CCDC191: variants seen among roughly 807,000 people sequenced by gnomAD.
The protein encoded by CCDC191 is coiled-coil domain containing 191.
Under a neutral mutation model 114.0 loss-of-function variants are expected in CCDC191, and 99 were observed. The ratio of observed to expected loss-of-function variants is 0.87; its 90% CI spans 0.74 to 1.03. The LOEUF is 1.03. CCDC191 is among the 50% of genes least tolerant of loss of function. CCDC191 has a pLI of 0.00. For synonymous variants in CCDC191, 351 were observed against 376.0 expected (o/e 0.93, Z 0.77); for missense variants, 973 against 1,087.0 (o/e 0.90, Z 1.47).
chr3:113,967,970 ATTCTTT>A (rs1940384829), intron 16 of CCDC191, among the ~76,000 whole-genome samples: 1 of 152,194 alleles, frequency 6.6e-6, no homozygotes, highest in Admixed American at 6.5e-5. Context: ...ACAGGATTTC[ATTCTTT>A]TTCATTACTA....
chr3:114,040,636 T>C (rs2076547856), intron 4 of CCDC191, among the ~76,000 whole-genome samples: 1 of 152,194 alleles, frequency 6.6e-6, no homozygotes, highest in Admixed American at 6.5e-5. Context: ...TTGCATGGTA[T>C]ATCTTTTTCC....
At chr3:113,985,413 T>G (rs1008177530) in intron 13 of CCDC191, among the ~76,000 whole-genome samples, 2 of 152,064 alleles carry the variant, frequency 1.3e-5, no homozygotes, top group African/African-American at 4.8e-5. Context: ...GAAGCCTTAT[T>G]CTCCAGAGGG....
chr3:114,022,178 T>C (rs1201747408), intron 7 of CCDC191, among the ~76,000 whole-genome samples: 4 of 152,142 alleles, frequency 2.6e-5, no homozygotes, highest in Non-Finnish European at 5.9e-5. Flanking sequence ...AGGATTCCAC[T>C]GAAGAGAAGA....
At chr3:114,001,910 T>TA (rs2075863422) in intron 12 of CCDC191, 1 of 513,868 alleles carries the variant, frequency 1.9e-6, no homozygotes, top group African/African-American at 1.9e-5. Flanking sequence ...CTTGGGAAGG[T>TA]AAGACTGATC....
In CCDC191 at chr3:114,018,774, T is replaced by C. The variant is rs1020335606; in HGVS notation, c.1067A>G (p.Gln356Arg). 6.2e-7 allele frequency: 1 copy of C among 1,613,776 alleles called. No individual in the cohort carries two copies. The change falls in exon 8 of 17, where the codon CAG becomes CGG. Residue 356 changes from glutamine (Q) to arginine (R), a missense_variant. By Grantham distance (43) the Gln-to-Arg change is conservative. Coordinates refer to ENST00000295878, the MANE Select transcript of CCDC191 (RefSeq NM_020817.2). ...KAGTLSDWKI[Q>R]LKVLRAWRDY... ...TCTCCAGGCCCGCAGGACCTTCAGC[T>C]GAATCTTCCAGTCAGACAGGGTCCC...
intron 8 of CCDC191, among the ~76,000 whole-genome samples, chr3:114,015,607 A>G (rs923342715): frequency 1.3e-5 from 2 of 152,206 alleles, no homozygotes; most frequent in African/African-American, 4.8e-5. Context: ...ACTTTCAAAA[A>G]TGAACACACT....
chr3:114,022,877 G>A (rs1038435958), intron 7 of CCDC191, among the ~76,000 whole-genome samples: 2 of 152,026 alleles, frequency 1.3e-5, no homozygotes, highest in Non-Finnish European at 2.9e-5. Flanking sequence ...GGCAGGAGAA[G>A]GAAATAAAGG....
chr3:114,009,874 C>CTTATG (rs1485644964), intron 9 of CCDC191, among the ~76,000 whole-genome samples: 2 of 152,022 alleles, frequency 1.3e-5, no homozygotes, highest in African/African-American at 4.8e-5. Flanking sequence ...CAAATTCCAG[C>CTTATG]TTATGGTTCA....
At chr3:113,978,466 A>C (rs2075015074) in intron 15 of CCDC191, 135 bp from the exon 16 acceptor site, 2 of 880,262 alleles carry the variant, frequency 2.3e-6, no homozygotes, top group Non-Finnish European at 1.7e-6. Flanking sequence ...GAAAAGGATA[A>C]CCTGGAAGCC....
intron 7 of CCDC191, among the ~76,000 whole-genome samples, chr3:114,021,843 A>G (rs1393036166): frequency 1.3e-5 from 2 of 152,144 alleles, no homozygotes; most frequent in Non-Finnish European, 2.9e-5. Context: ...CTTAAGTTTT[A>G]ACTAGCCAGG....
chr3:114,041,535 G>A (rs889821492), intron 4 of CCDC191, among the ~76,000 whole-genome samples: 3 of 152,146 alleles, frequency 2.0e-5, no homozygotes, highest in Non-Finnish European at 2.9e-5. Context: ...TCCCAATCCC[G>A]GAAGGTGTTC....
intron 16 of CCDC191, among the ~76,000 whole-genome samples, chr3:113,967,170 A>C (rs1188039132): frequency 6.6e-6 from 1 of 152,184 alleles, no homozygotes; most frequent in Non-Finnish European, 1.5e-5. Context: ...GCTTTTATCC[A>C]TTCAGTCCAC....
In CCDC191 at chr3:114,004,058, C is replaced by T. The variant is rs1051768440; in HGVS notation, c.1978+579G>A. ...TTGAGGTGGGAGGACTCCTTGAGGC[C>T]AGGAGTTTGAGACCAGCCTGGGCAA... On this transcript the variant is annotated intron_variant, in intron 11 of 16. Transcript: ENST00000295878. 3.1e-6 allele frequency: 3 copies of T among 960,388 alleles called. No individual in the cohort carries two copies. In the African/African-American group the frequency reaches 5.3e-5, roughly 17 times the overall value. The allele number at this position is 960,388 out of a possible 1,614,324, so 59.5% of individuals were successfully genotyped here.
At position 114,010,870 on chromosome 3, in the gene CCDC191, C is replaced by G. The variant is rs1224130786; in HGVS notation, c.1315G>C (p.Ala439Pro). 1 of 1,614,090 alleles carries G rather than the reference C, an allele frequency of 6.2e-7. No homozygotes were observed. Among genetic ancestry groups the G allele is most frequent in the Admixed American group, 1.7e-5 (1 of 60,000 alleles). The change falls in exon 9 of 17, where the codon GCA becomes CCA. Residue 439 changes from alanine (A) to proline (P), a missense_variant. Physicochemically the swap from Ala to Pro is conservative, Grantham distance 27. Coordinates refer to ENST00000295878, the MANE Select transcript of CCDC191 (RefSeq NM_020817.2). ...GCACTGAGTTTCCCCAGTGATGCTGCCTGCAGCAGTGCATCCATCTTCTTC... is the reference window on the plus strand; with the variant it reads ...GCACTGAGTTTCCCCAGTGATGCTGGCTGCAGCAGTGCATCCATCTTCTTC... ...TRKKMDALLQ[A>P]ASLGKLSANG...
chr3:114,005,249 C>G (rs1298800183), intron 10 of CCDC191, among the ~76,000 whole-genome samples: 1 of 152,164 alleles, frequency 6.6e-6, no homozygotes, highest in African/African-American at 2.4e-5. Context: ...CAGCATTTTT[C>G]TCTTTAACTG....
chr3:114,033,002 A>G (rs561310062), intron 6 of CCDC191, among the ~76,000 whole-genome samples: 1 of 152,342 alleles, frequency 6.6e-6, no homozygotes, highest in Non-Finnish European at 1.5e-5. Flanking sequence ...GATTTTTTAA[A>G]ATAACATTAG....
At chr3:113,983,838 GTATA>G (rs1375933042) in intron 13 of CCDC191, among the ~76,000 whole-genome samples, 2 of 152,180 alleles carry the variant, frequency 1.3e-5, no homozygotes, top group Admixed American at 1.3e-4. Flanking sequence ...TCAATCAGAA[GTATA>G]TATAGCCATA....
chr3:113,997,538 G>T (rs2075755647), intron 13 of CCDC191, among the ~76,000 whole-genome samples: 2 of 151,930 alleles, frequency 1.3e-5, no homozygotes, highest in African/African-American at 4.8e-5. Flanking sequence ...GCAGGGCAAT[G>T]AAAAAATAAA....
chr3:114,031,713 G>A lies in CCDC191; in HGVS notation c.885C>T (p.His295=). Residue 295 remains histidine, a synonymous_variant, in exon 7 of 17, where the codon CAC becomes CAT. Transcript: ENST00000295878. The part of the protein sequence containing the change: ...SSEKVMFQST[H]ILPDEEKMVK... ...CCATTTTTTCCTCATCTGGAAGAATGTGAGTACTTTGAAACATGACTTTTT... is the reference window on the plus strand; with the variant it reads ...CCATTTTTTCCTCATCTGGAAGAATATGAGTACTTTGAAACATGACTTTTT... 2 of 1,566,044 alleles carry A rather than the reference G, an allele frequency of 1.3e-6. No homozygotes were observed. The highest frequency in any genetic ancestry group is 1.8e-6 in the Non-Finnish European group (2 of 1,136,616).
Sources: allele counts gnomAD v4.1 joint callset (sites outside exome capture counted in the v4.1 genomes callset), GRCh38; gene constraint gnomAD v4.1.1; transcripts MANE v1.5; gene names NCBI Gene and HGNC (gene_info 2026-07-23, HGNC 2026-07-21).